ATAD1: variants seen among roughly 807,000 people sequenced by gnomAD.
ATAD1 encodes outer mitochondrial transmembrane helix translocase.
Under a neutral mutation model 42.7 loss-of-function variants are expected in ATAD1, and 18 were observed. The observed-to-expected ratio is 0.42, with a 90% confidence interval of 0.29 to 0.63. The LOEUF is 0.63. ATAD1 is among the 20% of genes least tolerant of loss of function. The pLI, the probability that ATAD1 is intolerant of heterozygous loss-of-function variation, is 0.19. For synonymous variants in ATAD1, 132 were observed against 143.1 expected, an observed-to-expected ratio of 0.92 and a Z score of 0.55; for missense variants, 294 against 440.4, an observed-to-expected ratio of 0.67 and a Z score of 2.98.
At chr10:87,837,442 T>C (rs1857949830) in intron 1 of ATAD1, among the ~76,000 whole-genome samples, 1 of 152,190 alleles carries the variant, frequency 6.6e-6, no homozygotes, top group African/African-American at 2.4e-5. Flanking sequence ...CAGTCAGTAG[T>C]GGTAGGGTGG....
intron 5 of ATAD1, among the ~76,000 whole-genome samples, chr10:87,779,324 C>G (rs144806217): frequency 2.0e-4 from 15 of 76,122 alleles, no homozygotes; most frequent in Non-Finnish European, 3.7e-4. Context: ...TAAAATAAAA[C>G]AAAATAAATA....
At chr10:87,780,876 C>T (rs1855530478) in intron 5 of ATAD1, among the ~76,000 whole-genome samples, 1 of 152,172 alleles carries the variant, frequency 6.6e-6, no homozygotes, top group East Asian at 1.9e-4. Context: ...TTTTGCTCGT[C>T]ACTGTACAAG....
chr10:87,841,139 C>A (rs1425795726), intron 1 of ATAD1: 1 of 152,078 alleles, frequency 6.6e-6, no homozygotes, highest in Non-Finnish European at 1.5e-5. Context: ...AGTTGTCAAG[C>A]TTTACACTAG....
intron 7 of ATAD1, among the ~76,000 whole-genome samples, chr10:87,769,978 TTA>T (rs1331956647): frequency 5.3e-5 from 8 of 152,140 alleles, no homozygotes; most frequent in South Asian, 2.1e-4. Context: ...TAAATAAATT[TTA>T]TAGTCTCCTA....
intron 3 of ATAD1, among the ~76,000 whole-genome samples, chr10:87,792,302 T>C (rs982092461): frequency 2.0e-5 from 3 of 152,182 alleles, no homozygotes; most frequent in Non-Finnish European, 2.9e-5. Flanking sequence ...GAAAGCTATA[T>C]AACCAGCCCC....
intron 4 of ATAD1, among the ~76,000 whole-genome samples, chr10:87,785,168 A>C (rs982581592): frequency 6.6e-6 from 1 of 152,166 alleles, no homozygotes; most frequent in African/African-American, 2.4e-5. Flanking sequence ...AGAAATTATC[A>C]GTCACTCCTG....
chr10:87,785,076 C>A (rs1157465572), intron 4 of ATAD1, among the ~76,000 whole-genome samples: 1 of 152,208 alleles, frequency 6.6e-6, no homozygotes, highest in African/African-American at 2.4e-5. Flanking sequence ...TTGTGGCAAA[C>A]ACTGTTTTGC....
At chr10:87,783,004 T>C (rs957504877) in intron 5 of ATAD1, among the ~76,000 whole-genome samples, 2 of 150,536 alleles carry the variant, frequency 1.3e-5, no homozygotes, top group African/African-American at 4.9e-5. Context: ...AAAAGAAATC[T>C]GAATTATCTC....
chr10:87,805,253 T>C (rs1232488551), intron 2 of ATAD1, among the ~76,000 whole-genome samples: 1 of 152,206 alleles, frequency 6.6e-6, no homozygotes, highest in Admixed American at 6.5e-5. Context: ...CTTAATTCTT[T>C]TCTATTCTCC....
chr10:87,779,084 G>A (rs1246919480), intron 5 of ATAD1, among the ~76,000 whole-genome samples: 1 of 152,142 alleles, frequency 6.6e-6, no homozygotes, highest in Non-Finnish European at 1.5e-5. Flanking sequence ...ATCACTTGAG[G>A]TCAGGAGTTT....
chr10:87,813,240 C>T (rs943358359), intron 2 of ATAD1, among the ~76,000 whole-genome samples: 3 of 151,760 alleles, frequency 2.0e-5, no homozygotes, highest in African/African-American at 7.3e-5. Context: ...AATGCTGAAA[C>T]GATGTAACTT....
chr10:87,809,242 T>C (rs890185804), intron 2 of ATAD1, among the ~76,000 whole-genome samples: 3 of 152,182 alleles, frequency 2.0e-5, no homozygotes, highest in Admixed American at 6.5e-5. Flanking sequence ...TAGAGAACTT[T>C]TGACTCCCCT....
At chr10:87,759,594 C>T (rs917171207) in intron 8 of ATAD1, among the ~76,000 whole-genome samples, 3 of 152,206 alleles carry the variant, frequency 2.0e-5, no homozygotes, top group Admixed American at 6.5e-5. Flanking sequence ...AATCTTGTGC[C>T]TGATAAGATG....
At chr10:87,798,781 T>G (rs888356460) in intron 2 of ATAD1, among the ~76,000 whole-genome samples, 1 of 152,186 alleles carries the variant, frequency 6.6e-6, no homozygotes, top group African/African-American at 2.4e-5. Context: ...GGCTATCTGA[T>G]TTTCACCTGA....
At chr10:87,772,327 G>A (rs139408439) in intron 6 of ATAD1, among the ~76,000 whole-genome samples, 87 of 151,652 alleles carry the variant, frequency 5.7e-4, no homozygotes, top group Admixed American at 1.7e-3. Flanking sequence ...TGCCTATGCT[G>A]GTCTGAAACC....
At chr10:87,798,625 G>GGGTGTGTGTGT (rs1554881741) in intron 2 of ATAD1, among the ~76,000 whole-genome samples, 1 of 124,860 alleles carries the variant, frequency 8.0e-6, no homozygotes, top group African/African-American at 3.1e-5. Flanking sequence ...AGCTATAGGG[G>GGGTGTGTGTGT]GTGTGTGTGT....
In ATAD1 at chr10:87,800,610, A is replaced by T. The variant is rs1286456741; in HGVS notation, c.163-7855T>A. ...TTGCTTGGGGAAAAAAGCTGAAATT[A>T]AAAAAAAAAATTTTTAATTAAGGTT... On this transcript the variant is annotated intron_variant, in intron 2 of 9. Coordinates refer to ENST00000680024, the MANE Select transcript of ATAD1 (RefSeq NM_001321967.2). 4.0e-5 allele frequency among the ~76,000 whole-genome samples: 6 copies of T among 149,572 alleles called. No homozygotes were observed. In the East Asian group the frequency reaches 6.0e-4, roughly 15 times the overall value.
At chr10:87,835,911 T>G (rs1003800052) in intron 1 of ATAD1, among the ~76,000 whole-genome samples, 1 of 152,208 alleles carries the variant, frequency 6.6e-6, no homozygotes. Flanking sequence ...AAGGGGGATA[T>G]AGAAATGTTA....
At chr10:87,818,301 C>A (rs1321004508), upstream of ATAD1, 1 of 977,376 alleles carries the variant, frequency 1.0e-6, no homozygotes, top group Non-Finnish European at 1.2e-6. Context: ...CCGCGGTCGC[C>A]GGCGCGGAGG....
Sources: gnomAD v4.1 joint callset for allele counts (sites outside exome capture counted in the v4.1 genomes callset) on GRCh38, gnomAD v4.1.1 for gene constraint, MANE v1.5 for transcripts, NCBI Gene and HGNC (gene_info 2026-07-23, HGNC 2026-07-21) for gene names.